The following CUBN variants were observed in gnomAD, a reference collection of about 807,000 sequenced individuals.
The protein encoded by CUBN is 460 kDa receptor.
A neutral mutation model predicts 405.3 loss-of-function variants in CUBN; 282 were observed. The ratio of observed to expected loss-of-function variants is 0.70; its 90% CI spans 0.63 to 0.77. CUBN has a LOEUF of 0.77. Among genes scored for constraint, CUBN ranks in the 30% least tolerant of loss-of-function variants. The probability of loss-of-function intolerance (pLI) is 0.00; values close to 1 mark genes in which losing one functional copy is unlikely to be tolerated. For missense variants in CUBN, 4,514 were observed against 4,475.2 expected (o/e 1.01, Z -0.25); for synonymous variants, 1,684 against 1,617.0 (o/e 1.04, Z -0.99).
intron 32 of CUBN, 29 bp downstream of exon 32, chr10:16,954,360 G>C (rs1842993174): frequency 6.2e-7 from 1 of 1,613,474 alleles, no homozygotes; most frequent in South Asian, 1.1e-5. Context: ...GATTTCTCTT[G>C]TGCCTGGGAA....
At position 16,839,780 on chromosome 10, in the gene CUBN, G is replaced by A. The variant is rs961592631; in HGVS notation, c.10032+550C>T. 4.0e-5 allele frequency among the ~76,000 whole-genome samples: 6 copies of A among 151,484 alleles called. No individual in the cohort carries two copies. The Admixed American group carries it at 4.0e-4, about 10-fold the overall frequency. ...ACACATGCACACGTATGTTTATTGC[G>A]GCACTATTCACAATAGCAAAGACTT... On this transcript the variant is annotated intron_variant, in intron 62 of 66. Coordinates refer to ENST00000377833, the MANE Select transcript of CUBN (RefSeq NM_001081.4).
At chr10:16,979,089 A>G (rs2932901) in intron 31 of CUBN, among the ~76,000 whole-genome samples, 131,776 of 151,672 alleles carry the variant, frequency 0.87, 58,050 homozygotes, top group Non-Finnish European at 0.96. Flanking sequence ...ACTCCCATTC[A>G]CAATTGCTAC....
At chr10:16,994,934 T>C (rs1000269427) in intron 28 of CUBN, among the ~76,000 whole-genome samples, 15 of 152,116 alleles carry the variant, frequency 9.9e-5, no homozygotes, top group African/African-American at 3.4e-4. Flanking sequence ...CTACTAAAAA[T>C]GCAAAAATTA....
At chr10:17,042,800 T>A (rs2131816777) in intron 26 of CUBN, among the ~76,000 whole-genome samples, 1 of 152,274 alleles carries the variant, frequency 6.6e-6, no homozygotes, top group Non-Finnish European at 1.5e-5. Context: ...CAAGGTTAAA[T>A]GTTATTACTC....
rs141037668 is a variant in CUBN, at chr10:17,060,500, C to A, written c.3139+5008G>T. ...GGGAACTCAGAATATCATGATTAAGCATTTTGTTGCATTTTTATTCTAAGG... is the reference window on the plus strand; with the variant it reads ...GGGAACTCAGAATATCATGATTAAGAATTTTGTTGCATTTTTATTCTAAGG... On this transcript the variant is annotated intron_variant, in intron 22 of 66. Coordinates refer to ENST00000377833, the MANE Select transcript of CUBN (RefSeq NM_001081.4). Among the ~76,000 whole-genome samples the A allele has an allele frequency of 9.8e-5, 15 of 152,288 alleles. No homozygotes were observed. The East Asian group carries it at 2.1e-3, about 22-fold the overall frequency.
rs748394608 is a variant in CUBN at position 16,876,916 on chromosome 10, C to T, written c.9087G>A (p.Lys3029=). The stretch of plus-strand genomic sequence containing the variant: ...ACTCACAGATTATCCTATAGGAAAA[C>T]TTGAATCCGAAGTCTGTGATTTGCT... The part of the protein sequence containing the change: ...SNEQITDFGF[K]FSYRIISCGG... The change falls in exon 57 of 67, where the codon AAG becomes AAA. Residue 3029 remains lysine, a synonymous_variant. Coordinates refer to ENST00000377833, the MANE Select transcript of CUBN (RefSeq NM_001081.4). 1 of 1,614,046 alleles carries T rather than the reference C, an allele frequency of 6.2e-7. No individual in the cohort carries two copies. The highest frequency in any genetic ancestry group is 8.5e-7 in the Non-Finnish European group (1 of 1,179,982).
chr10:16,853,780 T>C (rs1839787915), intron 59 of CUBN, among the ~76,000 whole-genome samples: 1 of 152,178 alleles, frequency 6.6e-6, no homozygotes, highest in African/African-American at 2.4e-5. Flanking sequence ...TTGGAGTTTG[T>C]GGAGTTTGAG....
chr10:16,826,944 A>G (rs1286199493), intron 66 of CUBN, among the ~76,000 whole-genome samples: 1 of 152,078 alleles, frequency 6.6e-6, no homozygotes, highest in Admixed American at 6.6e-5. Context: ...TCCCTTTTGA[A>G]ATGTTTGTAA....
At position 16,906,189 on chromosome 10, in the gene CUBN, T is replaced by C. The variant is rs368608872; in HGVS notation, c.7912+14A>G. On this transcript the variant is annotated intron_variant, in intron 50 of 66. Coordinates refer to ENST00000377833, the MANE Select transcript of CUBN (RefSeq NM_001081.4). ...GTAGATAAATGGGAAAACGCATTCT[T>C]AGATAGAACTCACCCACTCGAAACT... The C allele has an allele frequency of 2.2e-5, 34 of 1,577,380 alleles. No individual in the cohort carries two copies. Among genetic ancestry groups the C allele is most frequent in the South Asian group, 8.9e-5 (8 of 90,300 alleles).
chr10:17,062,544 T>G (rs991586923), intron 22 of CUBN, among the ~76,000 whole-genome samples: 5 of 152,266 alleles, frequency 3.3e-5, no homozygotes, highest in Admixed American at 2.0e-4. Context: ...CTGTTAAACC[T>G]GTACTTGTTA....
chr10:17,061,237 G>T (rs1401614507), intron 22 of CUBN, among the ~76,000 whole-genome samples: 1 of 152,072 alleles, frequency 6.6e-6, no homozygotes, highest in Non-Finnish European at 1.5e-5. Context: ...ATCCACTATT[G>T]TATCTCCCTT....
rs905252288 is a variant in CUBN at position 17,111,138 on chromosome 10, T to A, written c.884-88A>T. On this transcript the variant is annotated intron_variant, in intron 8 of 66. Coordinates refer to ENST00000377833, the MANE Select transcript of CUBN (RefSeq NM_001081.4). Reference sequence around the variant, plus strand: ...AGAGTCAAAACATATAAAAACCTTCTCCACCTAAGGAACTATAAAATAAAA... The same window carrying A: ...AGAGTCAAAACATATAAAAACCTTCACCACCTAAGGAACTATAAAATAAAA... The A allele has an allele frequency of 3.8e-5, 54 of 1,417,818 alleles. No homozygotes were observed. In the Admixed American group the frequency reaches 7.0e-4, roughly 18 times the overall value. 87.8% of individuals were successfully genotyped at this position (1,417,818 alleles called of 1,614,324 possible). A position where few individuals can be genotyped will look rare whatever the true frequency, so the allele number is the denominator to read the frequency against.
Position 17,104,447 on chromosome 10 carries a change from A to G in CUBN, c.1389T>C (p.Thr463=). The G allele has an allele frequency of 6.2e-7, 1 of 1,614,094 alleles. No homozygotes were observed. The change falls in exon 12 of 67, where the codon ACT becomes ACC. Residue 463 remains threonine, a synonymous_variant. Coordinates refer to ENST00000377833, the MANE Select transcript of CUBN (RefSeq NM_001081.4). The part of the protein sequence containing the change: ...SFSCECTRLW[T]GALCQVPQQV... ...GCTGAGGAACCTGACAGAGAGCTCC[A>G]GTCCAGAGACGTGTGCATTCACAAC...
chr10:16,881,269 G>C (rs1840659357), intron 56 of CUBN, among the ~76,000 whole-genome samples: 1 of 152,262 alleles, frequency 6.6e-6, no homozygotes, highest in South Asian at 2.1e-4. Flanking sequence ...TAAGTTGTGG[G>C]CTAATGATAT....
chr10:17,021,931 A>G lies in CUBN; in HGVS notation c.4018-1948T>C, dbSNP rs1588589270. On this transcript the variant is annotated intron_variant, in intron 27 of 66. Transcript: ENST00000377833. Reference sequence around the variant, plus strand: ...ACCTCTGGCCTTCCCCTCACTGCCCAGAGCAGGGCTTTGATAAAGGCAGGT... The same window carrying G: ...ACCTCTGGCCTTCCCCTCACTGCCCGGAGCAGGGCTTTGATAAAGGCAGGT... 2.0e-5 allele frequency among the ~76,000 whole-genome samples: 3 copies of G among 152,250 alleles called. No homozygotes were observed. In the South Asian group the frequency reaches 6.2e-4, roughly 32 times the overall value.
chr10:16,919,838 C>A lies in CUBN; in HGVS notation c.6821+125G>T, dbSNP rs137899386. On this transcript the variant is annotated intron_variant, in intron 44 of 66. Coordinates refer to ENST00000377833, the MANE Select transcript of CUBN (RefSeq NM_001081.4). ...GTGTTTTCAGGCCTGAGCCATTAAG[C>A]ATTTCCCTTTTCCCCTAGATTTCCT... 5.5e-4 allele frequency: 581 copies of A among 1,055,492 alleles called. 3 individuals carry two copies. The African/African-American group carries it at 7.2e-3, about 13-fold the overall frequency. The allele number at this position is 1,055,492 out of a possible 1,614,324, so 65.4% of individuals were successfully genotyped here.
At chr10:16,994,597 T>C (rs1833680499) in intron 28 of CUBN, among the ~76,000 whole-genome samples, 2 of 152,236 alleles carry the variant, frequency 1.3e-5, no homozygotes, top group African/African-American at 2.4e-5. Context: ...TATAAACCAA[T>C]ACCCATCAGG....
chr10:16,991,629 C>CTT (rs1344664645), intron 28 of CUBN, among the ~76,000 whole-genome samples: 11 of 53,690 alleles, frequency 2.0e-4, no homozygotes, highest in African/African-American at 5.3e-4. Flanking sequence ...GCCTCTTTTT[C>CTT]TGTTTTTTTT....
intron 22 of CUBN, among the ~76,000 whole-genome samples, chr10:17,064,878 T>C (rs1188062051): frequency 1.3e-5 from 2 of 152,182 alleles, no homozygotes; most frequent in African/African-American, 4.8e-5. Context: ...CTTCATTAGG[T>C]CAAATTGAGA....
Sources: allele counts gnomAD v4.1 joint callset (sites outside exome capture counted in the v4.1 genomes callset), GRCh38; gene constraint gnomAD v4.1.1; transcripts MANE v1.5; gene names NCBI Gene and HGNC (gene_info 2026-07-23, HGNC 2026-07-21).